The following ITK variants were observed in gnomAD, a reference collection of about 807,000 sequenced individuals.
The protein encoded by ITK is tyrosine-protein kinase ITK/TSK.
A neutral mutation model predicts 87.6 loss-of-function variants in ITK; 45 were observed. The observed-to-expected ratio is 0.51, with a 90% confidence interval of 0.40 to 0.66. ITK has a LOEUF of 0.66. ITK is among the 30% of genes least tolerant of loss of function. The pLI is 0.00. For synonymous variants in ITK, 303 were observed against 273.6 expected, an observed-to-expected ratio of 1.11 and a Z score of -1.06; for missense variants, 605 against 766.3, an observed-to-expected ratio of 0.79 and a Z score of 2.48.
At chr5:157,226,036 T>C (rs1339121067) in intron 6 of ITK, among the ~76,000 whole-genome samples, 2 of 152,206 alleles carry the variant, frequency 1.3e-5, no homozygotes, top group Admixed American at 1.3e-4. Context: ...GTTTGCTTTG[T>C]GATAGTGTGG....
At chr5:157,216,238 G>A (rs1044229221) in intron 4 of ITK, among the ~76,000 whole-genome samples, 2 of 152,162 alleles carry the variant, frequency 1.3e-5, no homozygotes, top group South Asian at 2.1e-4. Context: ...CTGGATGAAG[G>A]CTCACAGGAT....
intron 1 of ITK, among the ~76,000 whole-genome samples, chr5:157,206,103 AC>A (rs1170243913): frequency 6.7e-6 from 1 of 149,950 alleles, no homozygotes; most frequent in African/African-American, 2.5e-5. Context: ...ACAGGTGTGC[AC>A]CACCATATCC....
At chr5:157,200,149 G>C (rs1460367628) in intron 1 of ITK, among the ~76,000 whole-genome samples, 1 of 152,132 alleles carries the variant, frequency 6.6e-6, no homozygotes, top group Non-Finnish European at 1.5e-5. Flanking sequence ...AAAGAAAAAA[G>C]ATATAAAAGC....
chr5:157,207,377 CTTTTTTTTTTTTT>C (rs536290068), intron 1 of ITK, among the ~76,000 whole-genome samples: 1 of 59,140 alleles, frequency 1.7e-5, no homozygotes, highest in African/African-American at 6.3e-5. Flanking sequence ...AGATACGTCT[CTTTTTTTTTTTTT>C]TTTTTTTTTT....
chr5:157,209,842 A>G (rs1754152981), intron 2 of ITK, among the ~76,000 whole-genome samples: 1 of 152,164 alleles, frequency 6.6e-6, no homozygotes, highest in Admixed American at 6.5e-5. Flanking sequence ...CATTGGGCAC[A>G]TTTCACATGT....
chr5:157,189,763 C>T (rs1024212875), intron 1 of ITK, among the ~76,000 whole-genome samples: 7 of 152,216 alleles, frequency 4.6e-5, no homozygotes, highest in Non-Finnish European at 7.3e-5. Context: ...AAATATCAAA[C>T]GTGGAAATCG....
intron 1 of ITK, among the ~76,000 whole-genome samples, chr5:157,181,533 C>A (rs977970318): frequency 6.6e-6 from 1 of 152,146 alleles, no homozygotes. Flanking sequence ...TCTACCCCAG[C>A]TTTCTTATTT....
At chr5:157,197,802 T>A (rs531884790) in intron 1 of ITK, among the ~76,000 whole-genome samples, 2 of 152,210 alleles carry the variant, frequency 1.3e-5, no homozygotes, top group Non-Finnish European at 2.9e-5. Context: ...TAACCATTTG[T>A]CTATTGATGG....
intron 15 of ITK, among the ~76,000 whole-genome samples, chr5:157,248,326 C>T (rs940024230): frequency 6.6e-6 from 1 of 152,116 alleles, no homozygotes; most frequent in Non-Finnish European, 1.5e-5. Flanking sequence ...AATAGACAAG[C>T]AAAAGATGTG....
intron 11 of ITK, among the ~76,000 whole-genome samples, chr5:157,242,716 C>A (rs1754935639): frequency 6.6e-6 from 1 of 152,182 alleles, no homozygotes; most frequent in Admixed American, 6.5e-5. Flanking sequence ...GCCTCAGCCT[C>A]CCAAAGTGTT....
At position 157,249,078 on chromosome 5, in the gene ITK, A is replaced by G. The variant is rs901264393; in HGVS notation, c.1791+71A>G. 8.2e-6 allele frequency: 11 copies of G among 1,342,992 alleles called. No individual in the cohort carries two copies. In the African/African-American group the frequency reaches 1.0e-4, roughly 12 times the overall value. 83.2% of individuals were successfully genotyped at this position (1,342,992 alleles called of 1,614,324 possible). A position where few individuals can be genotyped will look rare whatever the true frequency, so the allele number is the denominator to read the frequency against. ...AGGACCTCCCTCCTTCCCTAGAGAA[A>G]GGAACCCTCTCAGAAGGATGAGGCA... On this transcript the variant is annotated intron_variant, in intron 16 of 16. Coordinates refer to ENST00000422843, the MANE Select transcript of ITK (RefSeq NM_005546.4).
chr5:157,244,174 G>C, intron 12 of ITK, 88 bp from the exon 13 acceptor site: 1 of 1,024,590 alleles, frequency 9.8e-7, no homozygotes, highest in East Asian at 2.4e-5. Context: ...TAGACAAAAT[G>C]ACCATTGGCT....
chr5:157,197,929 G>A (rs1050463007), intron 1 of ITK, among the ~76,000 whole-genome samples: 1 of 151,950 alleles, frequency 6.6e-6, no homozygotes, highest in Non-Finnish European at 1.5e-5. Context: ...TCAGATCAGG[G>A]AAATGTATTT....
At chr5:157,220,669 A>G (rs1185775087) in intron 5 of ITK, among the ~76,000 whole-genome samples, 1 of 152,162 alleles carries the variant, frequency 6.6e-6, no homozygotes, top group Non-Finnish European at 1.5e-5. Flanking sequence ...TCCTGAGCCC[A>G]CAGACTCAGT....
chr5:157,188,737 C>T (rs1354451053), intron 1 of ITK, among the ~76,000 whole-genome samples: 1 of 152,226 alleles, frequency 6.6e-6, no homozygotes, highest in Non-Finnish European at 1.5e-5. Flanking sequence ...ATCCTCTCGA[C>T]TAGCTGGGAC....
chr5:157,185,596 A>G (rs1753626120), intron 1 of ITK, among the ~76,000 whole-genome samples: 1 of 152,028 alleles, frequency 6.6e-6, no homozygotes, highest in Non-Finnish European at 1.5e-5. Flanking sequence ...CTGCAATCCC[A>G]ACATTTTGGG....
chr5:157,199,343 A>G (rs1191400856), intron 1 of ITK: 1 of 152,174 alleles, frequency 6.6e-6, no homozygotes, highest in South Asian at 2.1e-4. Flanking sequence ...TAGCAGACAC[A>G]TAACTTCTCA....
chr5:157,202,903 A>G (rs907011991), intron 1 of ITK, among the ~76,000 whole-genome samples: 1 of 152,192 alleles, frequency 6.6e-6, no homozygotes, highest in East Asian at 1.9e-4. Flanking sequence ...ATCCCTGTTC[A>G]CAATTCCAGT....
chr5:157,207,377 C>CTTTTTTTTTTTTTTT (rs536290068), intron 1 of ITK, among the ~76,000 whole-genome samples: 2 of 59,140 alleles, frequency 3.4e-5, no homozygotes, highest in Non-Finnish European at 3.1e-5. Flanking sequence ...AGATACGTCT[C>CTTTTTTTTTTTTTTT]TTTTTTTTTT....
Sources: allele counts gnomAD v4.1 joint callset (sites outside exome capture counted in the v4.1 genomes callset), GRCh38; gene constraint gnomAD v4.1.1; transcripts MANE v1.5; gene names NCBI Gene and HGNC (gene_info 2026-07-23, HGNC 2026-07-21).